The following NHP2 variants were observed in gnomAD, a reference collection of about 807,000 sequenced individuals.
The protein encoded by NHP2 is H/ACA ribonucleoprotein complex subunit 2.
A neutral mutation model predicts 16.7 loss-of-function variants in NHP2; 10 were observed. The observed-to-expected ratio is 0.60, with a 90% CI of 0.37 to 1.01. NHP2 has a LOEUF of 1.01. Ranked by LOEUF, NHP2 falls within the 50% of genes least tolerant of loss-of-function variation. The pLI, the probability that NHP2 is intolerant of heterozygous loss-of-function variation, is 0.01. For synonymous variants in NHP2, 87 were observed against 78.9 expected (o/e 1.10, Z -0.54); for missense variants, 184 against 198.3 (o/e 0.93, Z 0.43).
intron 2 of NHP2, 87 bp downstream of exon 2, chr5:178,153,404 G>A (rs1756322271): frequency 7.1e-7 from 1 of 1,402,270 alleles, no homozygotes; most frequent in African/African-American, 1.4e-5. Flanking sequence ...CTAGGTCAGA[G>A]TTAACCTTTT....
At chr5:178,153,180 C>T in intron 2 of NHP2, 2 of 459,500 alleles carry the variant, frequency 4.4e-6, no homozygotes, top group South Asian at 2.1e-5. Context: ...AGGATTAGGG[C>T]GGGGGCCGGA....
chr5:178,153,341 G>C (rs1296363692), intron 2 of NHP2, 150 bp downstream of exon 2: 3 of 769,948 alleles, frequency 3.9e-6, no homozygotes, highest in Non-Finnish European at 7.0e-6. Context: ...TGTCGTACCG[G>C]TATTGTACCA....
At chr5:178,152,193 G>A (rs1388498147) in intron 2 of NHP2, among the ~76,000 whole-genome samples, 1 of 152,078 alleles carries the variant, frequency 6.6e-6, no homozygotes, top group Non-Finnish European at 1.5e-5. Context: ...AAATCTTAGG[G>A]TGTAAAAAAT....
At chr5:178,153,398 G>T in intron 2 of NHP2, 93 bp downstream of exon 2, 1 of 1,312,754 alleles carries the variant, frequency 7.6e-7, no homozygotes, top group African/African-American at 1.4e-5. Flanking sequence ...ATGGGGCTAG[G>T]TCAGAGTTAA....
chr5:178,150,149 A>C, intron 3 of NHP2: 1 of 297,816 alleles, frequency 3.4e-6, no homozygotes, highest in East Asian at 8.6e-5. Flanking sequence ...ACGTAAGATA[A>C]GGACAGCTAC....
At chr5:178,150,092 C>T (rs1211205583) in intron 3 of NHP2, 5 of 380,374 alleles carry the variant, frequency 1.3e-5, no homozygotes, top group Non-Finnish European at 2.4e-5. Flanking sequence ...GGGGCTGTCC[C>T]GGTCCCTGCC....
chr5:178,149,977 G>C (rs1756224216), intron 3 of NHP2, 139 bp from the exon 4 acceptor site: 1 of 913,946 alleles, frequency 1.1e-6, no homozygotes, highest in African/African-American at 1.7e-5. Context: ...AAAGCATCTT[G>C]AATTGGTTGC....
intron 2 of NHP2, 184 bp downstream of exon 2, chr5:178,153,307 C>A: frequency 1.5e-6 from 1 of 685,940 alleles, no homozygotes; most frequent in Non-Finnish European, 2.7e-6. Flanking sequence ...TCACTTTGAG[C>A]TGGTATACGT....
intron 2 of NHP2, among the ~76,000 whole-genome samples, chr5:178,152,907 CGA>C (rs1397975027): frequency 6.6e-6 from 1 of 152,126 alleles, no homozygotes; most frequent in Non-Finnish European, 1.5e-5. Context: ...GGCAACATGG[CGA>C]GACTCCTCTG....
intron 3 of NHP2, 92 bp from the exon 4 acceptor site, chr5:178,149,930 C>G (rs745349762): frequency 2.9e-6 from 4 of 1,392,950 alleles, no homozygotes; most frequent in Non-Finnish European, 4.0e-6. Flanking sequence ...CCTAATCTGG[C>G]CCACAACCAT....
intron 2 of NHP2, among the ~76,000 whole-genome samples, chr5:178,151,387 A>G (rs1254281399): frequency 6.6e-6 from 1 of 152,188 alleles, no homozygotes; most frequent in Non-Finnish European, 1.5e-5. Context: ...GGACACCCCC[A>G]AGACCTTGAG....
chr5:178,152,173 A>C (rs1041506475), intron 2 of NHP2, among the ~76,000 whole-genome samples: 3 of 152,126 alleles, frequency 2.0e-5, no homozygotes, highest in African/African-American at 7.2e-5. Context: ...CCTTTCTTCA[A>C]TTGTCAGAAA....
At position 178,153,653 on chromosome 5, in the gene NHP2, C is replaced by T. The variant is rs548200272; in HGVS notation, c.160+5G>A. ...CCATCCCGGCCACGCCGCCGTCCGC[C>T]TCACCTTTCTTGATGCATTTGTAGA... On this transcript the variant is annotated splice_donor_5th_base_variant and intron_variant, in intron 1 of 3. Transcript: ENST00000274606. 2 of 1,613,394 alleles carry T rather than the reference C, an allele frequency of 1.2e-6. No homozygotes were observed. Among genetic ancestry groups the T allele is most frequent in the Non-Finnish European group, 1.7e-6 (2 of 1,179,552 alleles).
At chr5:178,153,270 C>A in intron 2 of NHP2, 1 of 632,330 alleles carries the variant, frequency 1.6e-6, no homozygotes, top group Non-Finnish European at 2.9e-6. Context: ...AGGGACTTTG[C>A]TTACACAATT....
At chr5:178,152,963 C>CGGTGGTCTCAGCTATTCGGGAGGCTGAG (rs1451732651) in intron 2 of NHP2, among the ~76,000 whole-genome samples, 1 of 152,236 alleles carries the variant, frequency 6.6e-6, no homozygotes, top group East Asian at 1.9e-4. Context: ...TGGCGCAAGC[C>CGGTGGTCTCAGCTATTCGGGAGGCTGAG]GGTGGTCTCA....
At chr5:178,153,383 T>C in intron 2 of NHP2, 108 bp downstream of exon 2, 2 of 1,113,586 alleles carry the variant, frequency 1.8e-6, no homozygotes, top group Non-Finnish European at 2.7e-6. Flanking sequence ...GATTGGCTTC[T>C]GTATATGGGG....
At position 178,149,676 on chromosome 5, in the gene NHP2, C is replaced by T. The variant is rs1364944418; in HGVS notation, c.*37G>A. On this transcript the variant is annotated 3_prime_UTR_variant, in exon 4 of 4. Transcript: ENST00000274606. ...AGTCGTCCTGCTGCCAGCCCAATAG[C>T]TTCCAGCGGCAGGTGCCCAGGTGCT... is the stretch of plus-strand genomic sequence containing the variant. 11 of 1,612,090 alleles carry T rather than the reference C, an allele frequency of 6.8e-6. No homozygotes were observed. The highest frequency in any genetic ancestry group is 9.3e-6 in the Non-Finnish European group (11 of 1,179,678).
chr5:178,151,501 G>A (rs541388448), intron 2 of NHP2, among the ~76,000 whole-genome samples: 2 of 152,160 alleles, frequency 1.3e-5, no homozygotes, highest in African/African-American at 4.8e-5. Flanking sequence ...TGTCAAGGCT[G>A]GGGGGCAAGG....
intron 3 of NHP2, chr5:178,150,227 C>G: frequency 4.6e-6 from 1 of 219,320 alleles, no homozygotes; most frequent in Admixed American, 5.2e-5. Context: ...TTACAAAGCT[C>G]TTTCACATAC....
Sources: gnomAD v4.1 joint callset for allele counts (sites outside exome capture counted in the v4.1 genomes callset) on GRCh38, gnomAD v4.1.1 for gene constraint, MANE v1.5 for transcripts, NCBI Gene and HGNC (gene_info 2026-07-23, HGNC 2026-07-21) for gene names.